Variants in CYP4F8 observed in about 807,000 individuals in gnomAD.
The protein encoded by CYP4F8 is cytochrome P450 family 4 subfamily F member 8.
In CYP4F8, 56 loss-of-function variants were observed where a neutral mutation model predicts 55.0. That is an observed-to-expected ratio of 1.02 (90% CI 0.82 to 1.27). CYP4F8 has a LOEUF of 1.27. CYP4F8 is among the 50% of genes most tolerant of loss of function. The pLI, the probability that CYP4F8 is intolerant of heterozygous loss-of-function variation, is 0.00. For missense variants in CYP4F8, 680 were observed against 682.4 expected, an observed-to-expected ratio of 1.00 and a Z score of 0.04; for synonymous variants, 288 against 267.3, an observed-to-expected ratio of 1.08 and a Z score of -0.76.
Position 15,629,464 on chromosome 19 carries a change from C to A in CYP4F8, c.*106C>A. 1 of 1,411,040 alleles carries A rather than the reference C, an allele frequency of 7.1e-7. No homozygotes were observed. Among genetic ancestry groups the A allele is most frequent in the Non-Finnish European group, 9.3e-7 (1 of 1,074,362 alleles). The allele number at this position is 1,411,040 out of a possible 1,614,324, so 87.4% of individuals were successfully genotyped here. On this transcript the variant is annotated 3_prime_UTR_variant, in exon 13 of 13. Coordinates refer to ENST00000612078, the MANE Select transcript of CYP4F8 (RefSeq NM_007253.4). ...TGTGTTGGCCCCTGTGCCTCAGTCC[C>A]GCGGATGGCCAGTAGGGGGCGCTGG... is the stretch of plus-strand genomic sequence containing the variant.
In CYP4F8 at chr19:15,618,020, C is replaced by G. The variant is rs1026930686; in HGVS notation, c.219C>G (p.Gly73=). The part of the protein sequence containing the change: ...HLGLVTPTEE[G]LRVLTQLVAT... ...TGCAGGTCACTCCCACAGAGGAGGG[C>G]TTGAGGGTCCTGACCCAGCTGGTGG... Residue 73 remains glycine, a synonymous_variant, in exon 3 of 13, where the codon GGC becomes GGG. Coordinates refer to ENST00000612078, the MANE Select transcript of CYP4F8 (RefSeq NM_007253.4). 3 of 1,613,904 alleles carry G rather than the reference C, an allele frequency of 1.9e-6. No individual in the cohort carries two copies. The African/African-American group carries it at 4.0e-5, about 22-fold the overall frequency.
intron 5 of CYP4F8, among the ~76,000 whole-genome samples, chr19:15,620,322 AC>A (rs1202688667): frequency 3.9e-5 from 6 of 152,104 alleles, no homozygotes; most frequent in African/African-American, 1.4e-4. Flanking sequence ...TCTAGATGAC[AC>A]CCCAGGATTG....
intron 8 of CYP4F8, 55 bp from the exon 9 acceptor site, chr19:15,623,910 A>AC (rs1223800281): frequency 6.2e-7 from 1 of 1,603,616 alleles, no homozygotes; most frequent in Non-Finnish European, 8.5e-7. Flanking sequence ...GGCGCTGTCC[A>AC]CCCTCTGGGT....
chr19:15,619,163 T>TA (rs1407945979), intron 3 of CYP4F8: 3 of 261,926 alleles, frequency 1.1e-5, no homozygotes, highest in Non-Finnish European at 2.2e-5. Flanking sequence ...ATTCTGTCTT[T>TA]AACTCTTATT....
At chr19:15,622,772 TTGAC>T (rs1972210695) in intron 6 of CYP4F8, 2 of 415,368 alleles carry the variant, frequency 4.8e-6, no homozygotes, top group African/African-American at 2.0e-5. Context: ...CTATGGAAGA[TTGAC>T]TGTCATGTAG....
rs1972147893 is a variant in CYP4F8, at chr19:15,618,143, A to G, written c.342A>G (p.Ser114=). ...TCGTCCGATCTGTCATCAATACCTC[A>G]GGTACTCCTGCAGAGCTTGTGGTGG... is the stretch of plus-strand genomic sequence containing the variant. ...PDIVRSVINT[S]DAITDKDIVF... Residue 114 remains serine (S), a splice_region_variant and synonymous_variant, in exon 3 of 13, where the codon TCA becomes TCG. Coordinates refer to ENST00000612078, the MANE Select transcript of CYP4F8 (RefSeq NM_007253.4). 6.2e-7 allele frequency: 1 copy of G among 1,614,030 alleles called. No homozygotes were observed. The highest frequency in any genetic ancestry group is 8.5e-7 in the Non-Finnish European group (1 of 1,179,972).
chr19:15,628,480 T>G, intron 10 of CYP4F8, 45 bp downstream of exon 10: 1 of 1,613,388 alleles, frequency 6.2e-7, no homozygotes, highest in South Asian at 1.1e-5. Flanking sequence ...AGGGCGGTGG[T>G]CCCAGCAGGC....
At chr19:15,616,955 G>A (rs7254518) in intron 2 of CYP4F8, among the ~76,000 whole-genome samples, 70,044 of 152,032 alleles carry the variant, frequency 0.46, 16,818 homozygotes, top group Non-Finnish European at 0.53. Context: ...TCCCTGGTGA[G>A]AGCCGCTGTT....
At chr19:15,617,047 C>A (rs1972131752) in intron 2 of CYP4F8, among the ~76,000 whole-genome samples, 1 of 152,182 alleles carries the variant, frequency 6.6e-6, no homozygotes, top group Admixed American at 6.5e-5. Flanking sequence ...AGACCTTCTC[C>A]ATGGGAGGGC....
At chr19:15,617,105 G>C (rs1364877288) in intron 2 of CYP4F8, among the ~76,000 whole-genome samples, 1 of 152,184 alleles carries the variant, frequency 6.6e-6, no homozygotes, top group African/African-American at 2.4e-5. Context: ...GTGGGGACCA[G>C]CCCTGGGGAC....
chr19:15,617,514 C>A (rs1209855684), intron 2 of CYP4F8, among the ~76,000 whole-genome samples: 2 of 151,888 alleles, frequency 1.3e-5, no homozygotes, highest in Non-Finnish European at 2.9e-5. Context: ...ATCTATCTAT[C>A]TATCTATCTA....
At chr19:15,622,384 GTGTGGGTGTGGGGA>G in intron 6 of CYP4F8, 44 bp downstream of exon 6, 4 of 1,590,924 alleles carry the variant, frequency 2.5e-6, no homozygotes, top group Non-Finnish European at 2.6e-6. Flanking sequence ...TGGAGTGGGG[GTGTGGGTGTGGGGA>G]GAGCAAAGCC....
chr19:15,624,161 C>T (rs1972233629), intron 9 of CYP4F8, 67 bp downstream of exon 9: 1 of 1,580,272 alleles, frequency 6.3e-7, no homozygotes, highest in Admixed American at 1.8e-5. Context: ...TTCTTCTCCC[C>T]AGGTGGGGGA....
chr19:15,619,510 A>G lies in CYP4F8; in HGVS notation c.364A>G (p.Ile122Val). Residue 122 changes from isoleucine (I) to valine (V), a missense_variant, in exon 4 of 13, where the codon ATA becomes GTA. Transcript: ENST00000612078. Reference protein sequence around the residue: ...NTSDAITDKDIVFYKTLKPWL... With the variant: ...NTSDAITDKDVVFYKTLKPWL... ...GTCAGATGCCATTACAGACAAGGAC[A>G]TAGTCTTCTACAAGACCCTGAAGCC... 6.2e-7 allele frequency: 1 copy of G among 1,614,210 alleles called. No individual in the cohort carries two copies. Among genetic ancestry groups the G allele is most frequent in the East Asian group, 2.2e-5 (1 of 44,886 alleles).
intron 9 of CYP4F8, among the ~76,000 whole-genome samples, chr19:15,624,511 C>T (rs1274187613): frequency 6.6e-6 from 1 of 152,112 alleles, no homozygotes; most frequent in Admixed American, 6.5e-5. Flanking sequence ...ACTTTCCAGC[C>T]TTTTGGTATA....
At chr19:15,621,613 T>C (rs1972195146) in intron 5 of CYP4F8, 1 of 152,182 alleles carries the variant, frequency 6.6e-6, no homozygotes, top group African/African-American at 2.4e-5. Flanking sequence ...GAAAAAAATG[T>C]TCAGGGGGAT....
chr19:15,628,174 A>T, intron 9 of CYP4F8, 128 bp from the exon 10 acceptor site: 2 of 1,411,046 alleles, frequency 1.4e-6, no homozygotes, highest in Non-Finnish European at 1.9e-6. Flanking sequence ...TCTAATGCTT[A>T]CATCTTTGTT....
rs567598179 is a variant in CYP4F8, at chr19:15,628,223, AG to A, written c.1116-76del. On this transcript the variant is annotated intron_variant, in intron 9 of 12. Coordinates refer to ENST00000612078, the MANE Select transcript of CYP4F8 (RefSeq NM_007253.4). ...ATTTTGTTATAGGACTGAGGGTCAG[AG>A]GGAGGTGGTGAGAGGGTCTCCAGGG... 879 of 1,592,380 alleles carry A rather than the reference AG, an allele frequency of 5.5e-4. 1 individual carries two copies. The highest frequency in any genetic ancestry group is 7.1e-4 in the Non-Finnish European group (834 of 1,168,944).
Position 15,624,072 on chromosome 19 carries a change from C to T in CYP4F8, c.1093C>T (p.Arg365Cys), listed in dbSNP as rs370903597. The T allele has an allele frequency of 2.0e-5, 33 of 1,613,956 alleles. No homozygotes were observed. The Admixed American group carries it at 4.7e-4, about 23-fold the overall frequency. ...RQEVQELLKD[R>C]EPKEIEWDDL... is the part of the protein sequence containing the mutation. ...GGAGGTGCAAGAGCTTCTGAAGGAC[C>T]GTGAGCCTAAAGAGATTGAATGGTG... The change falls in exon 9 of 13, where the codon CGT becomes TGT. Residue 365 changes from arginine (R) to cysteine (C), a missense_variant. Arg to Cys is a radical substitution (Grantham distance 180). Coordinates refer to ENST00000612078, the MANE Select transcript of CYP4F8 (RefSeq NM_007253.4).
Sources: gnomAD v4.1 joint callset for allele counts (sites outside exome capture counted in the v4.1 genomes callset) on GRCh38, gnomAD v4.1.1 for gene constraint, MANE v1.5 for transcripts, NCBI Gene and HGNC (gene_info 2026-07-23, HGNC 2026-07-21) for gene names.